The following C6 variants were observed in gnomAD, a reference collection of about 807,000 sequenced individuals.
C6 encodes the protein complement component C6.
Under a neutral mutation model 112.9 loss-of-function variants are expected in C6, and 101 were observed. The ratio of observed to expected loss-of-function variants is 0.89; its 90% confidence interval spans 0.76 to 1.06. C6 has a LOEUF of 1.06. Among genes scored for constraint, C6 ranks in the 50% least tolerant of loss-of-function variants. The pLI is 0.00. For missense variants in C6, 1,202 were observed against 1,104.6 expected, an observed-to-expected ratio of 1.09 and a Z score of -1.25; for synonymous variants, 431 against 384.1, an observed-to-expected ratio of 1.12 and a Z score of -1.43.
intron 1 of C6, among the ~76,000 whole-genome samples, chr5:41,224,361 A>C (rs1374290601): frequency 6.6e-6 from 1 of 152,062 alleles, no homozygotes; most frequent in Non-Finnish European, 1.5e-5. Flanking sequence ...CATTTTTATC[A>C]CTCAAAAGAA....
intron 7 of C6, among the ~76,000 whole-genome samples, chr5:41,178,947 G>T (rs1371875639): frequency 6.6e-6 from 1 of 152,084 alleles, no homozygotes; most frequent in Non-Finnish European, 1.5e-5. Flanking sequence ...TCCGCCTCCC[G>T]GGTTCAAGTG....
intron 1 of C6, among the ~76,000 whole-genome samples, chr5:41,254,678 G>A (rs1741572191): frequency 6.6e-6 from 1 of 152,184 alleles, no homozygotes; most frequent in South Asian, 2.1e-4. Context: ...CAATGTAAAT[G>A]TTAAGTGATC....
rs557353612 is a variant in C6 at position 41,222,459 on chromosome 5, T to C, written c.-20-19209A>G. Among the ~76,000 whole-genome samples the C allele has an allele frequency of 4.0e-4, 61 of 152,172 alleles. 1 individual carries two copies. Among genetic ancestry groups the C allele is most frequent in the African/African-American group, 1.4e-3 (58 of 41,572 alleles). On this transcript the variant is annotated intron_variant, in intron 1 of 17. Transcript: ENST00000263413. Reference sequence around the variant, plus strand: ...TTTATTTTAATGTATAAAGCACAGATGTATCTATAACATATAAACAAGAGC... The same window carrying C: ...TTTATTTTAATGTATAAAGCACAGACGTATCTATAACATATAAACAAGAGC...
intron 13 of C6, among the ~76,000 whole-genome samples, chr5:41,155,664 G>A (rs1210036317): frequency 6.6e-6 from 1 of 152,110 alleles, no homozygotes; most frequent in Non-Finnish European, 1.5e-5. Context: ...AGAAGGTTGA[G>A]GCTGTGGTGA....
chr5:41,230,225 G>T (rs74687826), intron 1 of C6, among the ~76,000 whole-genome samples: 3,695 of 152,184 alleles, frequency 0.024, 167 homozygotes, highest in African/African-American at 0.084. Context: ...CAGCATAACA[G>T]GGAAGATAAC....
At chr5:41,235,142 T>C (rs1019557616) in intron 1 of C6, among the ~76,000 whole-genome samples, 3 of 148,102 alleles carry the variant, frequency 2.0e-5, no homozygotes, top group African/African-American at 7.5e-5. Context: ...TAGTTACATA[T>C]GCATACATGT....
intron 7 of C6, among the ~76,000 whole-genome samples, chr5:41,179,916 T>C (rs956744067): frequency 6.6e-6 from 1 of 152,120 alleles, no homozygotes; most frequent in Admixed American, 6.6e-5. Flanking sequence ...CTAGCATTTA[T>C]TTACTGTAAG....
chr5:41,227,497 G>A (rs1358417447), intron 1 of C6, among the ~76,000 whole-genome samples: 2 of 151,992 alleles, frequency 1.3e-5, no homozygotes, highest in Non-Finnish European at 2.9e-5. Context: ...TGTTGCCTGT[G>A]CTTTTGGGGT....
chr5:41,184,198 T>A (rs1429084276), intron 6 of C6, among the ~76,000 whole-genome samples: 1 of 152,176 alleles, frequency 6.6e-6, no homozygotes, highest in Non-Finnish European at 1.5e-5. Context: ...AGTTAACAGT[T>A]GACTCTTGTG....
chr5:41,211,007 A>G (rs1375446477), intron 1 of C6, among the ~76,000 whole-genome samples: 2 of 152,234 alleles, frequency 1.3e-5, no homozygotes, highest in Non-Finnish European at 2.9e-5. Context: ...TCAATGATAG[A>G]CTGGATTAAG....
chr5:41,256,999 T>C (rs1336433312), intron 1 of C6, among the ~76,000 whole-genome samples: 2 of 152,134 alleles, frequency 1.3e-5, no homozygotes, highest in Non-Finnish European at 2.9e-5. Flanking sequence ...CTACAGAGAG[T>C]ACTTCCAAGT....
rs144918111 is a variant in C6 at position 41,245,404 on chromosome 5, C to A, written c.-21+15790G>T. Among the ~76,000 whole-genome samples the A allele has an allele frequency of 4.1e-3, 617 of 152,186 alleles. 3 individuals are homozygous for A. Among genetic ancestry groups the A allele is most frequent in the African/African-American group, 0.014 (590 of 41,514 alleles). On this transcript the variant is annotated intron_variant, in intron 1 of 17. Coordinates refer to the C6 transcript ENST00000263413. ...GGGCGTGGTGGCAGACACCTGTAAT[C>A]CCAGCTACTTCGGAGGCTGAGGCAG...
chr5:41,197,353 C>T (rs531970807), intron 4 of C6, among the ~76,000 whole-genome samples: 2 of 152,230 alleles, frequency 1.3e-5, no homozygotes, highest in East Asian at 1.9e-4. Flanking sequence ...GAAAGATGCT[C>T]TATTTTTAAA....
chr5:41,184,462 ATTTTC>A (rs201866805), intron 6 of C6, among the ~76,000 whole-genome samples: 1 of 146,770 alleles, frequency 6.8e-6, no homozygotes, highest in Non-Finnish European at 1.5e-5. Flanking sequence ...ATAAGCCTAA[ATTTTC>A]TTTTCTTTTC....
rs201866805 is a variant in C6 at position 41,184,462 on chromosome 5, A to ATTTTC, written c.726+1603_726+1607dup. Among the ~76,000 whole-genome samples, 121 of 146,884 alleles carry ATTTTC rather than the reference A, an allele frequency of 8.2e-4. 1 individual carries two copies. In the South Asian group the frequency reaches 0.024, roughly 29 times the overall value. ...AGTTGTTTAACTCCAATAAGCCTAA[A>ATTTTC]TTTTCTTTTCTTTTCTTTTCTTTTT... On this transcript the variant is annotated intron_variant, in intron 6 of 17. Coordinates refer to ENST00000337836, the MANE Select transcript of C6 (RefSeq NM_000065.5).
At chr5:41,247,590 C>T (rs893205934) in intron 1 of C6, among the ~76,000 whole-genome samples, 33 of 151,460 alleles carry the variant, frequency 2.2e-4, no homozygotes, top group Admixed American at 9.2e-4. Flanking sequence ...TTGTGGCGGG[C>T]GCCTGTAGTC....
intron 1 of C6, among the ~76,000 whole-genome samples, chr5:41,248,909 G>C (rs1307548178): frequency 1.3e-5 from 2 of 152,110 alleles, no homozygotes; most frequent in African/African-American, 4.8e-5. Flanking sequence ...CAAAGATATG[G>C]AATGAATCTA....
intron 1 of C6, among the ~76,000 whole-genome samples, chr5:41,204,486 C>A (rs1751270537): frequency 6.6e-6 from 1 of 152,024 alleles, no homozygotes; most frequent in Non-Finnish European, 1.5e-5. Context: ...GATTATATTT[C>A]TACGTGATTA....
chr5:41,189,791 C>T (rs1341590731), intron 5 of C6, among the ~76,000 whole-genome samples: 1 of 152,044 alleles, frequency 6.6e-6, no homozygotes, highest in African/African-American at 2.4e-5. Flanking sequence ...TTTCCAGTCT[C>T]TTGTAACCCT....
Sources: allele counts gnomAD v4.1 joint callset (sites outside exome capture counted in the v4.1 genomes callset), GRCh38; gene constraint gnomAD v4.1.1; transcripts MANE v1.5; gene names NCBI Gene and HGNC (gene_info 2026-07-23, HGNC 2026-07-21).